Variants in TNR observed in about 807,000 individuals in gnomAD.
TNR encodes tenascin R, also known as tenascin-R.
A neutral mutation model predicts 150.4 loss-of-function variants in TNR; 45 were observed. That is an observed-to-expected ratio of 0.30 (90% CI 0.24 to 0.38). The LOEUF (loss-of-function observed/expected upper bound fraction) is 0.38. Ranked by LOEUF, TNR falls within the 10% of genes least tolerant of loss-of-function variation. The probability of loss-of-function intolerance (pLI) is 1.00; values close to 1 mark genes in which losing one functional copy is unlikely to be tolerated. For missense variants in TNR, 1,544 were observed against 1,759.1 expected (o/e 0.88, Z 2.19); for synonymous variants, 687 against 678.4 (o/e 1.01, Z -0.20).
rs1412091094 is a variant in TNR, at chr1:175,391,452, A to G, written c.1357-14T>C. 6.2e-7 allele frequency: 1 copy of G among 1,611,516 alleles called. No individual in the cohort carries two copies. The highest frequency in any genetic ancestry group is 1.1e-5 in the South Asian group (1 of 90,490). On this transcript the variant is annotated splice_polypyrimidine_tract_variant and intron_variant, in intron 6 of 22. Transcript: ENST00000367674. ...CCCTTCATTGTTCTGGACAGTGGGG[A>G]GAAGCAGAGAGCAAAAGAGAAAAGT...
intron 1 of TNR, among the ~76,000 whole-genome samples, chr1:175,553,589 C>T (rs560635033): frequency 9.2e-5 from 14 of 152,214 alleles, no homozygotes; most frequent in African/African-American, 3.1e-4. Flanking sequence ...TCCCTTGTTT[C>T]TAATTAGCAA....
intron 18 of TNR, among the ~76,000 whole-genome samples, chr1:175,350,127 C>G (rs1281551176): frequency 6.6e-6 from 1 of 152,220 alleles, no homozygotes; most frequent in African/African-American, 2.4e-5. Flanking sequence ...TTCACAACCT[C>G]AAAAGCTGAA....
chr1:175,684,643 G>C (rs944002661), intron 1 of TNR, among the ~76,000 whole-genome samples: 1 of 152,172 alleles, frequency 6.6e-6, no homozygotes, highest in Non-Finnish European at 1.5e-5. Context: ...AAGAGACCCA[G>C]TATGAATGAT....
At chr1:175,543,220 G>T (rs190760694) in intron 1 of TNR, among the ~76,000 whole-genome samples, 3 of 152,158 alleles carry the variant, frequency 2.0e-5, no homozygotes, top group Non-Finnish European at 4.4e-5. Context: ...GAACTCCCAG[G>T]GGGGAGCAGA....
chr1:175,402,375 T>C lies in TNR; in HGVS notation c.976+765A>G, dbSNP rs1185702275. ...CCAATGAGATACTTTTTTTTTTTTT[T>C]CTCACTGTTGGGTTTAGATCCCCAT... On this transcript the variant is annotated intron_variant, in intron 4 of 22. Transcript: ENST00000367674. Among the ~76,000 whole-genome samples, 15 of 151,154 alleles carry C rather than the reference T, an allele frequency of 9.9e-5. No homozygotes were observed. In the South Asian group the frequency reaches 1.2e-3, roughly 13 times the overall value.
At chr1:175,612,149 C>T (rs1663619342) in intron 1 of TNR, among the ~76,000 whole-genome samples, 1 of 152,080 alleles carries the variant, frequency 6.6e-6, no homozygotes, top group Non-Finnish European at 1.5e-5. Flanking sequence ...TTTGGGGGAG[C>T]ACTGGCCTGG....
intron 1 of TNR, among the ~76,000 whole-genome samples, chr1:175,625,930 G>A (rs1256804343): frequency 6.6e-6 from 1 of 151,824 alleles, no homozygotes; most frequent in African/African-American, 2.4e-5. Context: ...AACTTGAATT[G>A]TATCTCCCAG....
chr1:175,556,075 C>G (rs377420491), intron 1 of TNR, among the ~76,000 whole-genome samples: 1 of 152,238 alleles, frequency 6.6e-6, no homozygotes, highest in African/African-American at 2.4e-5. Context: ...AGTTCCTGGG[C>G]CCCTCTGCAA....
At chr1:175,400,201 G>A (rs1418646015) in intron 4 of TNR, among the ~76,000 whole-genome samples, 1 of 63,980 alleles carries the variant, frequency 1.6e-5, no homozygotes, top group African/African-American at 6.1e-5. Context: ...ATGGAGCTCA[G>A]CTTTCATATC....
intron 2 of TNR, among the ~76,000 whole-genome samples, chr1:175,428,529 GTTA>G (rs1277180299): frequency 1.3e-5 from 2 of 152,168 alleles, no homozygotes; most frequent in African/African-American, 2.4e-5. Flanking sequence ...GGAAGTCGAA[GTTA>G]TTATTGTCAT....
rs776696788 is a variant in TNR, at chr1:175,365,861, T to C, written c.2317+14A>G. 6.2e-7 allele frequency: 1 copy of C among 1,609,336 alleles called. No individual in the cohort carries two copies. The highest frequency in any genetic ancestry group is 8.5e-7 in the Non-Finnish European group (1 of 1,176,654). ...GATCCCTGAACCTGGCTGGGATTTC[T>C]GCTGCTCTGGTACCTGTGAAAGCAT... On this transcript the variant is annotated intron_variant, in intron 11 of 22. Transcript: ENST00000367674.
chr1:175,374,879 AG>A (rs1231486396), intron 9 of TNR, among the ~76,000 whole-genome samples: 1 of 152,220 alleles, frequency 6.6e-6, no homozygotes, highest in Non-Finnish European at 1.5e-5. Context: ...CCTGGTCATG[AG>A]AATCCTTACG....
chr1:175,488,080 G>A (rs1658089912), intron 2 of TNR, among the ~76,000 whole-genome samples: 1 of 152,138 alleles, frequency 6.6e-6, no homozygotes, highest in Non-Finnish European at 1.5e-5. Context: ...TGCACAGACT[G>A]CCACTCTGTG....
Position 175,403,172 on chromosome 1 carries a change from T to C in TNR, c.944A>G (p.Glu315Gly). 6.2e-7 allele frequency: 1 copy of C among 1,613,950 alleles called. No individual in the cohort carries two copies. Among genetic ancestry groups the C allele is most frequent in the Non-Finnish European group, 8.5e-7 (1 of 1,179,886 alleles). Reference protein sequence around the residue: ...GQCEEGLCVCEEGYQGPDCSA... With the variant: ...GQCEEGLCVCGEGYQGPDCSA... The stretch of plus-strand genomic sequence containing the variant: ...GCAGTCAGGGCCCTGGTAGCCCTCT[T>C]CACAGACGCAGAGCCCCTCCTCACA... The change falls in exon 4 of 23, where the codon GAA becomes GGA. Residue 315 changes from glutamate (E) to glycine (G), a missense_variant. By Grantham distance (98) the Glu-to-Gly change is moderately conservative. Transcript: ENST00000367674.
At position 175,517,817 on chromosome 1, in the gene TNR, T is replaced by C. The variant is rs1194307262; in HGVS notation, c.-64+10452A>G. On this transcript the variant is annotated intron_variant, in intron 2 of 22. Coordinates refer to ENST00000367674, the MANE Select transcript of TNR (RefSeq NM_003285.3). ...TGCGTCTTGCTCACATCTCCACATG[T>C]GTGATGTGGGTCTGGGATCATTTGT... 2.0e-5 allele frequency among the ~76,000 whole-genome samples: 3 copies of C among 152,256 alleles called. No individual in the cohort carries two copies. In the East Asian group the frequency reaches 5.8e-4, roughly 29 times the overall value.
At chr1:175,718,260 AC>A (rs1667207510) in intron 1 of TNR, among the ~76,000 whole-genome samples, 1 of 151,720 alleles carries the variant, frequency 6.6e-6, no homozygotes, top group African/African-American at 2.4e-5. Context: ...CTTCCCCAGC[AC>A]CCCCTGTCCT....
At chr1:175,534,248 C>T (rs1660184915) in intron 1 of TNR, among the ~76,000 whole-genome samples, 1 of 152,190 alleles carries the variant, frequency 6.6e-6, no homozygotes, top group African/African-American at 2.4e-5. Context: ...GGCCTGCCTC[C>T]CTTGTGTCCT....
chr1:175,486,026 G>T (rs1182559380), intron 2 of TNR, among the ~76,000 whole-genome samples: 7 of 152,010 alleles, frequency 4.6e-5, no homozygotes, highest in Admixed American at 3.9e-4. Flanking sequence ...ACCAGGGACT[G>T]GTTTCACCAG....
At chr1:175,343,387 T>C (rs1396581989) in intron 18 of TNR, among the ~76,000 whole-genome samples, 1 of 152,140 alleles carries the variant, frequency 6.6e-6, no homozygotes, top group African/African-American at 2.4e-5. Flanking sequence ...ATTATTCAAG[T>C]CTTGGCTCAC....
Sources: gnomAD v4.1 joint callset for allele counts (sites outside exome capture counted in the v4.1 genomes callset) on GRCh38, gnomAD v4.1.1 for gene constraint, MANE v1.5 for transcripts, NCBI Gene and HGNC (gene_info 2026-07-23, HGNC 2026-07-21) for gene names.